The following SYN2 variants were observed in gnomAD, a reference collection of about 807,000 sequenced individuals.
SYN2 encodes the protein synapsin-2.
Under a neutral mutation model 50.9 loss-of-function variants are expected in SYN2, and 19 were observed. The ratio of observed to expected loss-of-function variants is 0.37; its 90% CI spans 0.26 to 0.55. The LOEUF (loss-of-function observed/expected upper bound fraction) is 0.55, where lower values mean the gene tolerates loss of function less well. Among genes scored for constraint, SYN2 ranks in the 20% least tolerant of loss-of-function variants. The pLI, the probability that SYN2 is intolerant of heterozygous loss-of-function variation, is 0.81. For missense variants in SYN2, 587 were observed against 576.4 expected (o/e 1.02, Z -0.19); for synonymous variants, 255 against 224.9 (o/e 1.13, Z -1.20).
chr3:12,143,273 T>A (rs1216204780), intron 3 of SYN2, among the ~76,000 whole-genome samples: 1 of 152,150 alleles, frequency 6.6e-6, no homozygotes, highest in Non-Finnish European at 1.5e-5. Context: ...CTCTAACAGA[T>A]GCCATATTTC....
chr3:12,076,614 C>T (rs1247754516), intron 1 of SYN2, among the ~76,000 whole-genome samples: 1 of 151,874 alleles, frequency 6.6e-6, no homozygotes, highest in East Asian at 1.9e-4. Context: ...TCAGTCATTA[C>T]TAGGTGTTAG....
chr3:12,166,229 G>T (rs1286683414), intron 7 of SYN2, among the ~76,000 whole-genome samples: 1 of 152,166 alleles, frequency 6.6e-6, no homozygotes, highest in Non-Finnish European at 1.5e-5. Flanking sequence ...AATGATAAGG[G>T]CAGCATATGA....
intron 1 of SYN2, among the ~76,000 whole-genome samples, chr3:12,011,049 G>A (rs967257163): frequency 1.3e-5 from 2 of 152,136 alleles, no homozygotes; most frequent in African/African-American, 4.8e-5. Flanking sequence ...TAGTGGGAGT[G>A]CCACTAAACA....
At chr3:12,154,418 T>C in intron 5 of SYN2, 1 of 1,614,116 alleles carries the variant, frequency 6.2e-7, no homozygotes, top group Non-Finnish European at 8.5e-7. Context: ...GTTGCACAGA[T>C]GGATGAAGAC....
At chr3:12,045,196 G>A (rs1253853277) in intron 1 of SYN2, among the ~76,000 whole-genome samples, 1 of 152,028 alleles carries the variant, frequency 6.6e-6, no homozygotes, top group Non-Finnish European at 1.5e-5. Flanking sequence ...TTTAAAGGGG[G>A]GTTTACTGCA....
intron 5 of SYN2, chr3:12,154,402 G>T (rs145556365): frequency 6.2e-7 from 1 of 1,614,066 alleles, no homozygotes; most frequent in Non-Finnish European, 8.5e-7. Context: ...CCCAGGGCTC[G>T]ATGTAGTTGC....
chr3:12,026,255 T>C (rs1694255172), intron 1 of SYN2, among the ~76,000 whole-genome samples: 1 of 152,182 alleles, frequency 6.6e-6, no homozygotes, highest in South Asian at 2.1e-4. Flanking sequence ...CTCCTGAGAA[T>C]TTGGTTAAAG....
intron 3 of SYN2, among the ~76,000 whole-genome samples, chr3:12,143,962 A>G (rs989461787): frequency 4.6e-5 from 7 of 152,204 alleles, no homozygotes; most frequent in Admixed American, 3.9e-4. Context: ...CCCTCACTTT[A>G]AAAGACTAAT....
chr3:12,135,520 A>G (rs968012218), intron 1 of SYN2, among the ~76,000 whole-genome samples: 1 of 152,188 alleles, frequency 6.6e-6, no homozygotes, highest in Non-Finnish European at 1.5e-5. Flanking sequence ...GAGTATGTGA[A>G]TCCATCTTCA....
At chr3:12,058,135 G>T (rs182528794) in intron 1 of SYN2, among the ~76,000 whole-genome samples, 2 of 152,292 alleles carry the variant, frequency 1.3e-5, no homozygotes, top group East Asian at 3.9e-4. Flanking sequence ...GGACACTGTA[G>T]ATAAGTAGGC....
At chr3:12,186,454 G>A (rs1350691854) in intron 11 of SYN2, among the ~76,000 whole-genome samples, 1 of 152,180 alleles carries the variant, frequency 6.6e-6, no homozygotes, top group African/African-American at 2.4e-5. Flanking sequence ...AGGGTGTGCT[G>A]TTCCTTTTTA....
intron 10 of SYN2, among the ~76,000 whole-genome samples, chr3:12,178,005 G>A (rs952709754): frequency 6.6e-6 from 1 of 152,196 alleles, no homozygotes; most frequent in African/African-American, 2.4e-5. Flanking sequence ...GAAGGTGGGC[G>A]CTGGTGACTG....
chr3:12,018,199 A>G (rs1559387233), intron 1 of SYN2, among the ~76,000 whole-genome samples: 1 of 152,198 alleles, frequency 6.6e-6, no homozygotes, highest in Non-Finnish European at 1.5e-5. Context: ...GAAGGGACAA[A>G]TCTGAGCTGA....
intron 1 of SYN2, among the ~76,000 whole-genome samples, chr3:12,104,755 A>G (rs1050527535): frequency 1.3e-5 from 2 of 151,480 alleles, no homozygotes; most frequent in African/African-American, 4.8e-5. Flanking sequence ...TTGTATTTTT[A>G]GTAGAGATGG....
chr3:12,168,497 G>A lies in SYN2; in HGVS notation c.1158+19G>A. On this transcript the variant is annotated intron_variant, in intron 9 of 12. Coordinates refer to ENST00000621198, the MANE Select transcript of SYN2 (RefSeq NM_133625.6). ...TTTTGAGGTAAGTCTGGACCAAGCA[G>A]TAAGAGGTAACTCCTAAGGCTTAAG... The A allele has an allele frequency of 6.2e-7, 1 of 1,602,416 alleles. No individual in the cohort carries two copies. Among genetic ancestry groups the A allele is most frequent in the Non-Finnish European group, 8.5e-7 (1 of 1,170,686 alleles).
At chr3:12,045,272 A>G (rs1168069175) in intron 1 of SYN2, among the ~76,000 whole-genome samples, 1 of 152,220 alleles carries the variant, frequency 6.6e-6, no homozygotes, top group African/African-American at 2.4e-5. Context: ...TGATTATAAT[A>G]CATGAGAACT....
chr3:12,091,438 A>G (rs1016020717), intron 1 of SYN2, among the ~76,000 whole-genome samples: 4 of 152,184 alleles, frequency 2.6e-5, no homozygotes, highest in Non-Finnish European at 5.9e-5. Context: ...TTAATCAGCT[A>G]TGGAGAGATG....
chr3:12,100,033 T>C (rs1696038259), intron 1 of SYN2, among the ~76,000 whole-genome samples: 1 of 148,354 alleles, frequency 6.7e-6, no homozygotes, highest in Non-Finnish European at 1.5e-5. Context: ...GAATAAGATC[T>C]AAATAAGTGG....
intron 1 of SYN2, among the ~76,000 whole-genome samples, chr3:12,094,710 C>G (rs1379751756): frequency 6.6e-6 from 1 of 152,122 alleles, no homozygotes; most frequent in Non-Finnish European, 1.5e-5. Context: ...TAGAATATCT[C>G]TAAACAATAC....
Sources: allele counts gnomAD v4.1 joint callset (sites outside exome capture counted in the v4.1 genomes callset), GRCh38; gene constraint gnomAD v4.1.1; transcripts MANE v1.5; gene names NCBI Gene and HGNC (gene_info 2026-07-23, HGNC 2026-07-21).